CHRM5: variants seen among roughly 807,000 people sequenced by gnomAD.
The protein encoded by CHRM5 is muscarinic acetylcholine receptor M5.
A neutral mutation model predicts 39.0 loss-of-function variants in CHRM5; 18 were observed. That is an observed-to-expected ratio of 0.46 (90% confidence interval 0.32 to 0.68). CHRM5 has a LOEUF of 0.68. CHRM5 is among the 30% of genes least tolerant of loss of function. The pLI is 0.04. For missense variants in CHRM5, 515 were observed against 651.1 expected, an observed-to-expected ratio of 0.79 and a Z score of 2.28; for synonymous variants, 241 against 246.3, an observed-to-expected ratio of 0.98 and a Z score of 0.20.
intron 1 of CHRM5, among the ~76,000 whole-genome samples, chr15:34,001,824 G>T (rs1429977004): frequency 1.3e-5 from 2 of 152,142 alleles, no homozygotes; most frequent in Non-Finnish European, 2.9e-5. Context: ...TCTTAGTCTG[G>T]TGCCAGCATT....
At chr15:34,045,805 C>T (rs1307676482) in intron 1 of CHRM5, among the ~76,000 whole-genome samples, 1 of 152,160 alleles carries the variant, frequency 6.6e-6, no homozygotes, top group East Asian at 1.9e-4. Context: ...ATTTGGTACA[C>T]AGGGTTACCT....
At chr15:34,055,102 G>A (rs1312677240) in intron 2 of CHRM5, among the ~76,000 whole-genome samples, 1 of 151,690 alleles carries the variant, frequency 6.6e-6, no homozygotes, top group Non-Finnish European at 1.5e-5. Context: ...TGAGGCAGGA[G>A]AATCACTTGA....
intron 1 of CHRM5, among the ~76,000 whole-genome samples, chr15:33,978,802 G>A (rs1319791740): frequency 2.0e-5 from 3 of 152,038 alleles, no homozygotes. Flanking sequence ...AATATTAGAA[G>A]GATATATTAA....
At chr15:33,991,637 G>C (rs1205253867) in intron 1 of CHRM5, 1 of 152,072 alleles carries the variant, frequency 6.6e-6, no homozygotes, top group Non-Finnish European at 1.5e-5. Flanking sequence ...TCAAATCATG[G>C]GGAAATAAAA....
At chr15:34,034,995 T>G (rs1197724249) in intron 1 of CHRM5, among the ~76,000 whole-genome samples, 1 of 152,206 alleles carries the variant, frequency 6.6e-6, no homozygotes, top group African/African-American at 2.4e-5. Context: ...TGAGCAACAA[T>G]GAAGGAGCAA....
intron 1 of CHRM5, chr15:34,002,901 T>C (rs1897191976): frequency 6.8e-6 from 6 of 882,316 alleles, no homozygotes; most frequent in Non-Finnish European, 1.0e-5. Context: ...AACACTGTCC[T>C]TTACTTGAAT....
chr15:34,038,655 G>C, intron 1 of CHRM5: 1 of 898,088 alleles, frequency 1.1e-6, no homozygotes, highest in Non-Finnish European at 1.4e-6. Flanking sequence ...GTCCCGCGCA[G>C]GCGCCGGCGC....
Position 34,066,803 on chromosome 15 carries a change from A to G in CHRM5, c.*2487A>G, listed in dbSNP as rs1284184520. ...GCATTCCAGTCTAAGTGACAGAGCA[A>G]GACCCTGCCTCAAAAAAAAAAAGAG... On this transcript the variant is annotated 3_prime_UTR_variant, in exon 3 of 3. Transcript: ENST00000383263. 1.2e-5 allele frequency: 1 copy of G among 84,506 alleles called. No individual in the cohort carries two copies. Among genetic ancestry groups the G allele is most frequent in the African/African-American group, 4.5e-5 (1 of 22,464 alleles). The allele number at this position is 84,506 out of a possible 1,614,324, so 5.2% of individuals were successfully genotyped here. A position where few individuals can be genotyped will look rare whatever the true frequency, so the allele number is the denominator to read the frequency against.
At position 34,050,921 on chromosome 15, in the gene CHRM5, C is replaced by T. The variant is rs375810442; in HGVS notation, c.-76+4050C>T. On this transcript the variant is annotated intron_variant, in intron 2 of 2. Transcript: ENST00000383263. ...ATAGTGGGAGACTTTAACACCCCAC[C>T]GACTATATTAGACAGATCACTGAGA... 1.7e-4 allele frequency among the ~76,000 whole-genome samples: 26 copies of T among 152,096 alleles called. 1 individual carries two copies. The highest frequency in any genetic ancestry group is 8.3e-4 in the South Asian group (4 of 4,802).
At chr15:34,006,005 G>A (rs1897320695) in intron 1 of CHRM5, among the ~76,000 whole-genome samples, 1 of 152,078 alleles carries the variant, frequency 6.6e-6, no homozygotes, top group Non-Finnish European at 1.5e-5. Flanking sequence ...ACAAATACCA[G>A]GAACATTCTA....
intron 1 of CHRM5, among the ~76,000 whole-genome samples, chr15:34,043,549 G>A (rs946525740): frequency 1.3e-5 from 2 of 152,132 alleles, no homozygotes; most frequent in Admixed American, 1.3e-4. Flanking sequence ...CCAGCTACAG[G>A]GGGAGAGACT....
intron 1 of CHRM5, chr15:34,038,666 C>CG: frequency 2.9e-6 from 3 of 1,021,870 alleles, no homozygotes; most frequent in Non-Finnish European, 3.6e-6. Context: ...GCGCCGGCGC[C>CG]GCCGCCCGTC....
In CHRM5 at chr15:33,990,091, C is replaced by A. The variant is rs184517875; in HGVS notation, c.-408+20941C>A. ...TGGTGGTGGGCGCCTATAATCCCAG[C>A]TACTCAGGAGGCTGAGGCAGGAGAA... On this transcript the variant is annotated intron_variant, in intron 1 of 2. Transcript: ENST00000383263. Among the ~76,000 whole-genome samples the A allele has an allele frequency of 6.2e-3, 939 of 151,994 alleles. 7 individuals are homozygous for A. Among genetic ancestry groups the A allele is most frequent in the African/African-American group, 0.02 (832 of 41,414 alleles).
intron 2 of CHRM5, among the ~76,000 whole-genome samples, chr15:34,058,442 A>G (rs1460191054): frequency 6.6e-6 from 1 of 152,072 alleles, no homozygotes. Flanking sequence ...ACAAACCTAA[A>G]CTAAGTTGTT....
At chr15:34,002,087 A>G (rs1026130134) in intron 1 of CHRM5, among the ~76,000 whole-genome samples, 42 of 152,208 alleles carry the variant, frequency 2.8e-4, no homozygotes, top group African/African-American at 9.9e-4. Flanking sequence ...CAATGATAAC[A>G]TTTTGCAAAA....
chr15:34,007,300 T>C (rs1897399483), intron 1 of CHRM5, among the ~76,000 whole-genome samples: 1 of 152,096 alleles, frequency 6.6e-6, no homozygotes, highest in Non-Finnish European at 1.5e-5. Context: ...AAAAATGAAA[T>C]AAAAAAATGA....
At position 34,064,465 on chromosome 15, in the gene CHRM5, A is replaced by G. The variant is rs1388143223; in HGVS notation, c.*149A>G. The G allele has an allele frequency of 1.1e-6, 1 of 928,532 alleles. No individual in the cohort carries two copies. Among genetic ancestry groups the G allele is most frequent in the Non-Finnish European group, 1.6e-6 (1 of 625,476 alleles). 57.5% of individuals were successfully genotyped at this position (928,532 alleles called of 1,614,324 possible). ...TTGTAAAGGCTCAAGTTTGGTTGCC[A>G]AATGGAAGGGGCCATAGCTGCAGCA... On this transcript the variant is annotated 3_prime_UTR_variant, in exon 3 of 3. Transcript: ENST00000383263.
intron 1 of CHRM5, among the ~76,000 whole-genome samples, chr15:34,000,720 GAAGA>G (rs1039485499): frequency 6.6e-6 from 1 of 152,160 alleles, no homozygotes; most frequent in African/African-American, 2.4e-5. Context: ...CACTGAGTAT[GAAGA>G]AAGCATGGAA....
intron 2 of CHRM5, among the ~76,000 whole-genome samples, chr15:34,048,025 GTGTGTGTGTGTT>G (rs895030943): frequency 2.6e-5 from 3 of 115,516 alleles, no homozygotes; most frequent in African/African-American, 4.6e-5. Flanking sequence ...TCCAGCTCGT[GTGTGTGTGTGTT>G]TGTGTGTGTG....
Sources: allele counts gnomAD v4.1 joint callset (sites outside exome capture counted in the v4.1 genomes callset), GRCh38; gene constraint gnomAD v4.1.1; transcripts MANE v1.5; gene names NCBI Gene and HGNC (gene_info 2026-07-23, HGNC 2026-07-21).